PRKD3: variants seen among roughly 807,000 people sequenced by gnomAD.
PRKD3 encodes the protein protein kinase D3.
A neutral mutation model predicts 99.2 loss-of-function variants in PRKD3; 47 were observed. The ratio of observed to expected loss-of-function variants is 0.47; its 90% CI spans 0.38 to 0.60. The LOEUF (loss-of-function observed/expected upper bound fraction) is 0.60, where lower values mean the gene tolerates loss of function less well. PRKD3 is among the 20% of genes least tolerant of loss of function. The pLI, the probability that PRKD3 is intolerant of heterozygous loss-of-function variation, is 0.00. For synonymous variants in PRKD3, 392 were observed against 355.4 expected (o/e 1.10, Z -1.16); for missense variants, 1,019 against 1,088.4 (o/e 0.94, Z 0.90).
At chr2:37,261,509 G>A (rs763308272) in intron 14 of PRKD3, among the ~76,000 whole-genome samples, 3 of 151,946 alleles carry the variant, frequency 2.0e-5, no homozygotes, top group Admixed American at 6.6e-5. Context: ...GGCCGGGCGC[G>A]GTGGCTCACG....
At chr2:37,294,932 A>G (rs1190196190) in intron 2 of PRKD3, among the ~76,000 whole-genome samples, 2 of 152,126 alleles carry the variant, frequency 1.3e-5, no homozygotes, top group African/African-American at 4.8e-5. Context: ...AAAATTAGCC[A>G]GGTGTGGTGG....
chr2:37,277,966 G>A lies in PRKD3; in HGVS notation c.1196C>T (p.Pro399Leu). The change falls in exon 9 of 19, where the codon CCG (proline) becomes CTG (leucine). Residue 399 changes from proline to leucine, a missense_variant. Transcript: ENST00000234179. ...TISPSTSNNI[P>L]LMRVVQSIKH... is the part of the protein sequence containing the mutation. ...GATGGATTGTACAACCCTCATTAGCGGAATATTATTGCTTGTTGATGGACT... is the reference window on the plus strand; with the variant it reads ...GATGGATTGTACAACCCTCATTAGCAGAATATTATTGCTTGTTGATGGACT... 3 of 1,605,832 alleles carry A rather than the reference G, an allele frequency of 1.9e-6. No homozygotes were observed. The highest frequency in any genetic ancestry group is 2.6e-6 in the Non-Finnish European group (3 of 1,175,112).
chr2:37,277,756 G>A, intron 9 of PRKD3, 110 bp downstream of exon 9: 3 of 1,164,984 alleles, frequency 2.6e-6, no homozygotes, highest in Admixed American at 4.9e-5. Context: ...TTGCTGTGGT[G>A]TATATAATGT....
rs532028754 is a variant in PRKD3, at chr2:37,255,441, G to C, written c.2414-1152C>G. On this transcript the variant is annotated intron_variant, in intron 17 of 18. Transcript: ENST00000234179. ...AGTAGTGTACTTGTCCTTCCTATCA[G>C]TATCAGCAGACTAAAGAGGGCCAGC... Among the ~76,000 whole-genome samples the C allele has an allele frequency of 2.6e-5, 4 of 152,296 alleles. No individual in the cohort carries two copies. The East Asian group carries it at 7.7e-4, about 29-fold the overall frequency.
At chr2:37,304,965 A>AT (rs78966873) in intron 2 of PRKD3, among the ~76,000 whole-genome samples, 29,621 of 151,926 alleles carry the variant, frequency 0.19, 3,869 homozygotes, top group East Asian at 0.55. Context: ...TTAAAAAAAA[A>AT]TTTCTTCTTC....
At chr2:37,313,913 G>T (rs1173137702) in intron 2 of PRKD3, among the ~76,000 whole-genome samples, 1 of 152,062 alleles carries the variant, frequency 6.6e-6, no homozygotes, top group Non-Finnish European at 1.5e-5. Context: ...GTAAGCCAAG[G>T]AACATCTGTA....
At chr2:37,269,590 T>C in intron 13 of PRKD3, 25 bp downstream of exon 13, 1 of 1,579,866 alleles carries the variant, frequency 6.3e-7, no homozygotes, top group Non-Finnish European at 8.7e-7. Flanking sequence ...ATGTGTACAA[T>C]ATGCAAACGG....
At chr2:37,318,904 A>G (rs1036002704) in intron 1 of PRKD3, among the ~76,000 whole-genome samples, 1 of 152,236 alleles carries the variant, frequency 6.6e-6, no homozygotes, top group Admixed American at 6.5e-5. Flanking sequence ...CAGAAATTAC[A>G]AACATAAAAA....
In PRKD3 at chr2:37,259,595, C is replaced by A; in HGVS notation, c.2133G>T (p.Glu711Asp). Residue 711 changes from glutamate (E) to aspartate (D), a missense_variant, in exon 16 of 19, where the codon GAG (glutamate) becomes GAT (aspartate). Around this residue, in one of 3 missense-constraint regions of PRKD3, gnomAD observed 184 missense variants for 275.1 expected, o/e 0.67. Coordinates refer to ENST00000234179, the MANE Select transcript of PRKD3 (RefSeq NM_005813.6). Reference protein sequence around the residue: ...KPENVLLASAEPFPQVKLCDF... With the variant: ...KPENVLLASADPFPQVKLCDF... ...GAGAATATCTCACCTGAGGAAATGG[C>A]TCTGCTGATGCAAGCAGCACATTTT... 6.2e-7 allele frequency: 1 copy of A among 1,610,396 alleles called. No individual in the cohort carries two copies. The highest frequency in any genetic ancestry group is 8.5e-7 in the Non-Finnish European group (1 of 1,176,934).
At chr2:37,301,695 C>T (rs541279423) in intron 2 of PRKD3, among the ~76,000 whole-genome samples, 1 of 152,256 alleles carries the variant, frequency 6.6e-6, no homozygotes, top group South Asian at 2.1e-4. Flanking sequence ...CTTCAAAATA[C>T]AATTCTTGCC....
chr2:37,282,958 C>A lies in PRKD3; in HGVS notation c.911-339G>T, dbSNP rs77312986. Among the ~76,000 whole-genome samples the A allele has an allele frequency of 8.4e-3, 1,284 of 152,224 alleles. 15 individuals are homozygous for A. Among genetic ancestry groups the A allele is most frequent in the African/African-American group, 0.029 (1,219 of 41,512 alleles). On this transcript the variant is annotated intron_variant, in intron 6 of 18. Transcript: ENST00000234179. ...ATATGTCAGATACATACTTTCAATT[C>A]CTAAGAATCAGGACCTAATGTATAT...
intron 7 of PRKD3, among the ~76,000 whole-genome samples, chr2:37,280,455 T>C (rs1234835230): frequency 6.6e-6 from 1 of 152,226 alleles, no homozygotes; most frequent in African/African-American, 2.4e-5. Context: ...AAAGATACTA[T>C]AAATGCGGAT....
rs763955919 is a variant in PRKD3 at position 37,279,878 on chromosome 2, T to C, written c.1040A>G (p.Asn347Ser). The C allele has an allele frequency of 5.0e-6, 8 of 1,613,210 alleles. No individual in the cohort carries two copies. The highest frequency in any genetic ancestry group is 3.3e-4 in the Middle Eastern group (2 of 6,056). Residue 347 changes from asparagine to serine, a missense_variant, in exon 8 of 19, where the codon AAT (asparagine) becomes AGT (serine). Transcript: ENST00000234179. ...CCGACTACTATCACTATTTATGTCA[T>C]TATTGTCAATATCCATTGGTATATC... is the stretch of plus-strand genomic sequence containing the variant. ...DTDIPMDIDN[N>S]DINSDSSRGL...
At chr2:37,273,270 T>C (rs1429855153) in intron 11 of PRKD3, among the ~76,000 whole-genome samples, 3 of 152,294 alleles carry the variant, frequency 2.0e-5, no homozygotes, top group South Asian at 2.1e-4. Flanking sequence ...TAGAATGACA[T>C]AGAGTTCTGT....
intron 14 of PRKD3, among the ~76,000 whole-genome samples, chr2:37,264,594 C>CCTGA (rs1024612144): frequency 2.2e-4 from 34 of 152,118 alleles, no homozygotes; most frequent in African/African-American, 7.7e-4. Flanking sequence ...TGGGCAAAAT[C>CCTGA]CTGACGGAGA....
intron 5 of PRKD3, among the ~76,000 whole-genome samples, chr2:37,288,397 G>A (rs889423472): frequency 6.6e-6 from 1 of 152,108 alleles, no homozygotes; most frequent in African/African-American, 2.4e-5. Flanking sequence ...TGGAATTTTT[G>A]TGAAAGGATT....
chr2:37,253,930 A>G (rs901710525), intron 18 of PRKD3, among the ~76,000 whole-genome samples: 3 of 152,206 alleles, frequency 2.0e-5, no homozygotes, highest in Non-Finnish European at 2.9e-5. Flanking sequence ...TAAATTTGAT[A>G]AATTAATATG....
At chr2:37,302,571 C>G (rs1670984750) in intron 2 of PRKD3, among the ~76,000 whole-genome samples, 1 of 152,186 alleles carries the variant, frequency 6.6e-6, no homozygotes, top group African/African-American at 2.4e-5. Flanking sequence ...TGAACCGTTT[C>G]AAGTTCATGT....
intron 16 of PRKD3, among the ~76,000 whole-genome samples, chr2:37,258,321 T>C (rs1022498913): frequency 6.6e-6 from 1 of 152,200 alleles, no homozygotes; most frequent in Non-Finnish European, 1.5e-5. Flanking sequence ...TTCAGTGTCT[T>C]TGAAGAGTAC....
Sources: gnomAD v4.1 joint callset for allele counts (sites outside exome capture counted in the v4.1 genomes callset) on GRCh38, gnomAD v4.1.1 for gene constraint, gnomAD v4.1.1 regional missense constraint, MANE v1.5 for transcripts, NCBI Gene and HGNC (gene_info 2026-07-23, HGNC 2026-07-21) for gene names.